Variants in INPP5B observed in about 807,000 individuals in gnomAD.
INPP5B encodes the protein inositol polyphosphate-5-phosphatase B.
Under a neutral mutation model 118.5 loss-of-function variants are expected in INPP5B, and 90 were observed. That is an observed-to-expected ratio of 0.76 (90% confidence interval 0.64 to 0.90). The LOEUF (loss-of-function observed/expected upper bound fraction) is 0.90, where lower values mean the gene tolerates loss of function less well. INPP5B is among the 40% of genes least tolerant of loss of function. INPP5B has a pLI of 0.00. For synonymous variants in INPP5B, 385 were observed against 418.9 expected (o/e 0.92, Z 0.99); for missense variants, 984 against 1,125.6 (o/e 0.87, Z 1.80).
rs759650029 is a variant in INPP5B, at chr1:37,887,378, A to G, written c.987T>C (p.Gly329=). The G allele has an allele frequency of 3.3e-5, 53 of 1,611,668 alleles. No homozygotes were observed. Among genetic ancestry groups the G allele is most frequent in the African/African-American group, 5.3e-5 (4 of 74,860 alleles). ...EEEWFKAVSE[G]LHPDAKYAKV... ...TTGCATATTTGGCATCTGGATGAAG[A>G]CCCTCTGACACAGCTTTGAACCACT... is the stretch of plus-strand genomic sequence containing the variant. Residue 329 remains glycine (G), a synonymous_variant, in exon 11 of 24, where the codon GGT becomes GGC. Coordinates refer to ENST00000373024, the MANE Select transcript of INPP5B (RefSeq NM_005540.3).
At chr1:37,885,393 G>C in intron 13 of INPP5B, 2 of 354,240 alleles carry the variant, frequency 5.6e-6, no homozygotes, top group Non-Finnish European at 1.0e-5. Flanking sequence ...CAGCCTAGGC[G>C]ACAGAGCGCG....
intron 6 of INPP5B, among the ~76,000 whole-genome samples, chr1:37,938,627 G>A (rs1045759964): frequency 1.1e-4 from 17 of 152,270 alleles, no homozygotes; most frequent in Non-Finnish European, 2.2e-4. Flanking sequence ...AACTCAAGGG[G>A]CTGTATAGCT....
At chr1:37,895,200 G>A (rs1036511739) in intron 7 of INPP5B, among the ~76,000 whole-genome samples, 5 of 152,168 alleles carry the variant, frequency 3.3e-5, no homozygotes, top group Non-Finnish European at 7.3e-5. Flanking sequence ...GGATGCAGAG[G>A]AGCCATGACT....
At chr1:37,905,910 C>T (rs1206586829) in intron 7 of INPP5B, among the ~76,000 whole-genome samples, 8 of 152,160 alleles carry the variant, frequency 5.3e-5, no homozygotes, top group Admixed American at 5.2e-4. Context: ...GAGCTATTTA[C>T]ATCTTTTAAA....
intron 7 of INPP5B, 56 bp downstream of exon 7, chr1:37,931,857 C>A (rs773361680): frequency 3.7e-6 from 6 of 1,612,756 alleles, no homozygotes; most frequent in Non-Finnish European, 5.1e-6. Context: ...CGGAGCCCGC[C>A]CCCTGTGGCC....
At chr1:37,941,954 A>AG in intron 5 of INPP5B, 1 of 28,712 alleles carries the variant, frequency 3.5e-5, no homozygotes, top group Non-Finnish European at 7.8e-5. Flanking sequence ...AAAAAAAAAA[A>AG]AAAAATATAT....
intron 7 of INPP5B, among the ~76,000 whole-genome samples, chr1:37,920,023 T>C (rs969801628): frequency 2.0e-5 from 3 of 152,188 alleles, no homozygotes; most frequent in African/African-American, 4.8e-5. Flanking sequence ...ACTTTACATA[T>C]ATTTTATCCT....
rs574485157 is a variant in INPP5B, at chr1:37,937,369, C to T, written c.391+3319G>A. The stretch of plus-strand genomic sequence containing the variant: ...ATGAGAGGCTGGGCAAGGTAGCTCA[C>T]GCCTGTAATCCCAGCACTTTTGGAA... On this transcript the variant is annotated intron_variant, in intron 6 of 23. Transcript: ENST00000373024. 3.9e-5 allele frequency among the ~76,000 whole-genome samples: 6 copies of T among 152,230 alleles called. No homozygotes were observed. In the East Asian group the frequency reaches 5.8e-4, roughly 15 times the overall value.
intron 3 of INPP5B, among the ~76,000 whole-genome samples, chr1:37,944,573 C>T (rs1646048527): frequency 6.6e-6 from 1 of 150,824 alleles, no homozygotes; most frequent in Non-Finnish European, 1.5e-5. Context: ...TCTACACACC[C>T]CATGGTGTTC....
chr1:37,899,754 G>A (rs1474305514), intron 7 of INPP5B, among the ~76,000 whole-genome samples: 1 of 144,228 alleles, frequency 6.9e-6, no homozygotes, highest in African/African-American at 2.6e-5. Context: ...TTGCTCTGTC[G>A]CCCAGGCTGA....
intron 8 of INPP5B, among the ~76,000 whole-genome samples, chr1:37,890,813 T>C (rs1020182426): frequency 1.3e-5 from 2 of 152,212 alleles, no homozygotes; most frequent in Non-Finnish European, 2.9e-5. Context: ...TAACTTCTCA[T>C]TACCTGAGTT....
At chr1:37,897,753 A>AATC (rs1308619255) in intron 7 of INPP5B, among the ~76,000 whole-genome samples, 2 of 151,590 alleles carry the variant, frequency 1.3e-5, no homozygotes, top group Non-Finnish European at 2.9e-5. Flanking sequence ...TAATAATAAT[A>AATC]ATAAAATAAA....
intron 5 of INPP5B, among the ~76,000 whole-genome samples, chr1:37,941,623 A>T (rs1645914309): frequency 1.3e-5 from 2 of 151,848 alleles, no homozygotes; most frequent in African/African-American, 4.8e-5. Context: ...CCCGAGTGAC[A>T]GAGCAAGATC....
At chr1:37,894,867 C>T (rs531718034) in intron 7 of INPP5B, among the ~76,000 whole-genome samples, 70 of 152,236 alleles carry the variant, frequency 4.6e-4, no homozygotes, top group African/African-American at 1.5e-3. Flanking sequence ...TGTTTAAATA[C>T]GTAACATCCA....
At chr1:37,906,011 T>C (rs1332844810) in intron 7 of INPP5B, among the ~76,000 whole-genome samples, 1 of 152,248 alleles carries the variant, frequency 6.6e-6, no homozygotes, top group Non-Finnish European at 1.5e-5. Flanking sequence ...TATTTGTGAG[T>C]ATTCTCAACT....
intron 13 of INPP5B, among the ~76,000 whole-genome samples, chr1:37,884,054 G>A (rs994245833): frequency 3.3e-5 from 5 of 152,178 alleles, no homozygotes; most frequent in African/African-American, 9.7e-5. Context: ...AAAAGACCAA[G>A]TGGAGGCAAA....
rs75191155 is a variant in INPP5B at position 37,945,938 on chromosome 1, C to G, written c.58-88G>C. 8.9e-5 allele frequency: 109 copies of G among 1,223,672 alleles called. 1 individual carries two copies. In the East Asian group the frequency reaches 2.1e-3, roughly 23 times the overall value. The allele number at this position is 1,223,672 out of a possible 1,614,324, so 75.8% of individuals were successfully genotyped here. A position where few individuals can be genotyped will look rare whatever the true frequency, so the allele number is the denominator to read the frequency against. On this transcript the variant is annotated intron_variant, in intron 2 of 23. Transcript: ENST00000373024. The stretch of plus-strand genomic sequence containing the variant: ...CACCTTCCCTCTGTTCCCCTGCCCC[C>G]CCAGATTCACTGTGTGGCCTTGGGT...
intron 5 of INPP5B, 43 bp downstream of exon 5, chr1:37,943,597 C>G (rs774713725): frequency 7.5e-6 from 12 of 1,603,248 alleles, no homozygotes; most frequent in Non-Finnish European, 9.4e-6. Flanking sequence ...GAAAATCAGG[C>G]ACCCCTGCCC....
chr1:37,908,940 T>C (rs1644593319), intron 7 of INPP5B, among the ~76,000 whole-genome samples: 1 of 152,176 alleles, frequency 6.6e-6, no homozygotes, highest in Admixed American at 6.5e-5. Context: ...TCTTCTCCTT[T>C]AGCCTGTGTT....
Sources: gnomAD v4.1 joint callset for allele counts (sites outside exome capture counted in the v4.1 genomes callset) on GRCh38, gnomAD v4.1.1 for gene constraint, MANE v1.5 for transcripts, NCBI Gene and HGNC (gene_info 2026-07-23, HGNC 2026-07-21) for gene names.